DNAH3: variants seen among roughly 807,000 people sequenced by gnomAD.
The protein encoded by DNAH3 is axonemal beta dynein heavy chain 3.
DNAH3 carries 332 observed loss-of-function variants against 432.5 expected under a neutral mutation model. The ratio of observed to expected loss-of-function variants is 0.77; its 90% CI spans 0.70 to 0.84. DNAH3 has a LOEUF of 0.84. Ranked by LOEUF, DNAH3 falls within the 40% of genes least tolerant of loss-of-function variation. DNAH3 has a pLI of 0.00. For missense variants in DNAH3, 4,861 were observed against 5,114.0 expected (o/e 0.95, Z 1.51); for synonymous variants, 1,956 against 1,900.2 (o/e 1.03, Z -0.76).
chr16:20,935,790 C>T (rs2083565627), intron 60 of DNAH3, among the ~76,000 whole-genome samples: 1 of 150,710 alleles, frequency 6.6e-6, no homozygotes, highest in Non-Finnish European at 1.5e-5. Flanking sequence ...TTGCAGTGAG[C>T]CAAGATCATG....
chr16:21,154,268 G>A (rs572300082), intron 1 of DNAH3, among the ~76,000 whole-genome samples: 3 of 152,312 alleles, frequency 2.0e-5, no homozygotes, highest in Admixed American at 6.5e-5. Context: ...AGCCGGGCGT[G>A]GTGGCAGGCA....
At chr16:20,963,730 T>C (rs1567537102) in exon 53 of DNAH3, 1 of 1,614,064 alleles carries the variant, frequency 6.2e-7, no homozygotes, top group East Asian at 2.2e-5. Context: ...AATTTCCTTC[T>C]TCTGTTTCAT....
chr16:21,050,094 A>G (rs370301360), intron 29 of DNAH3, 76 bp from the exon 30 acceptor site: 7 of 1,089,732 alleles, frequency 6.4e-6, no homozygotes, highest in East Asian at 2.4e-5. Flanking sequence ...ATTTATTTTG[A>G]CTCATACAAA....
chr16:21,112,522 C>G (rs2092099835), intron 12 of DNAH3, among the ~76,000 whole-genome samples: 2 of 152,080 alleles, frequency 1.3e-5, no homozygotes, highest in Non-Finnish European at 2.9e-5. Flanking sequence ...AAGTGGAAAC[C>G]CCTGATAAAC....
chr16:21,140,960 G>C (rs2092710697), intron 4 of DNAH3, among the ~76,000 whole-genome samples: 1 of 152,048 alleles, frequency 6.6e-6, no homozygotes, highest in Non-Finnish European at 1.5e-5. Context: ...CCAACATGGT[G>C]AAACCACGTC....
chr16:21,144,299 A>G (rs2092755244), intron 3 of DNAH3, among the ~76,000 whole-genome samples: 1 of 152,054 alleles, frequency 6.6e-6, no homozygotes, highest in Non-Finnish European at 1.5e-5. Context: ...AGTTCCAAAA[A>G]AGCCTATGGG....
chr16:21,059,100 AGTACCCAT>A (rs2090248470), intron 26 of DNAH3, among the ~76,000 whole-genome samples: 1 of 152,250 alleles, frequency 6.6e-6, no homozygotes, highest in South Asian at 2.1e-4. Context: ...GCAAAGCTAC[AGTACCCAT>A]TTACTATACA....
chr16:20,949,373 A>G (rs1190601673), intron 56 of DNAH3, among the ~76,000 whole-genome samples: 1 of 151,916 alleles, frequency 6.6e-6, no homozygotes, highest in African/African-American at 2.4e-5. Context: ...AGAAACAAAA[A>G]AAAAGACATT....
At chr16:21,071,497 C>G (rs2152763257) in intron 21 of DNAH3, among the ~76,000 whole-genome samples, 1 of 152,222 alleles carries the variant, frequency 6.6e-6, no homozygotes, top group Non-Finnish European at 1.5e-5. Flanking sequence ...TCATGCTGAT[C>G]CCTTAGGACC....
intron 41 of DNAH3, among the ~76,000 whole-genome samples, chr16:21,010,736 AT>A (rs2087553814): frequency 6.6e-6 from 1 of 152,054 alleles, no homozygotes; most frequent in African/African-American, 2.4e-5. Flanking sequence ...CTAGAAAGGC[AT>A]TTTAAGCTTT....
intron 56 of DNAH3, among the ~76,000 whole-genome samples, chr16:20,948,950 C>G (rs984408785): frequency 3.9e-5 from 6 of 152,240 alleles, no homozygotes; most frequent in African/African-American, 1.4e-4. Flanking sequence ...ACCCCAGGCT[C>G]AGCCAGCAGA....
rs1455178287 is a variant in DNAH3 at position 21,064,854 on chromosome 16, GAGGT to G, written c.3519-2175_3519-2172del. On this transcript the variant is annotated intron_variant, in intron 24 of 61. Coordinates refer to ENST00000261383, the Ensembl canonical transcript of DNAH3. ...TATTTTATAAAAATGCATAAATATT[GAGGT>G]AGGTGTGTGTGTGTGTGTGTGTGTG... Among the ~76,000 whole-genome samples the G allele has an allele frequency of 2.6e-3, 255 of 99,748 alleles. 2 individuals are homozygous for G. Among genetic ancestry groups the G allele is most frequent in the Non-Finnish European group, 1.7e-3 (84 of 48,504 alleles). 65.4% of individuals were successfully genotyped at this position (99,748 alleles called of 152,430 possible). A position where few individuals can be genotyped will look rare whatever the true frequency, so the allele number is the denominator to read the frequency against.
intron 8 of DNAH3, among the ~76,000 whole-genome samples, chr16:21,126,238 C>T (rs2092443950): frequency 6.6e-6 from 1 of 152,170 alleles, no homozygotes; most frequent in African/African-American, 2.4e-5. Context: ...CCATGTCCCC[C>T]AGTTTCTAAT....
At chr16:21,038,129 T>C in intron 33 of DNAH3, 149 bp from the exon 34 acceptor site, 1 of 659,420 alleles carries the variant, frequency 1.5e-6, no homozygotes, top group Non-Finnish European at 2.6e-6. Context: ...GATATTTTAA[T>C]AGAGTTACCA....
At chr16:21,116,489 C>T (rs781702852) in intron 12 of DNAH3, among the ~76,000 whole-genome samples, 1 of 152,076 alleles carries the variant, frequency 6.6e-6, no homozygotes, top group Admixed American at 6.6e-5. Context: ...CCTTTTGCCA[C>T]GACCGACCGA....
intron 21 of DNAH3, among the ~76,000 whole-genome samples, chr16:21,073,239 TA>T (rs1236029504): frequency 2.6e-5 from 4 of 152,350 alleles, no homozygotes; most frequent in South Asian, 4.1e-4. Context: ...GGGCTATTAA[TA>T]AAGTGGTTTC....
chr16:20,967,851 G>C (rs567615128), intron 52 of DNAH3, among the ~76,000 whole-genome samples: 37 of 152,108 alleles, frequency 2.4e-4, no homozygotes, highest in African/African-American at 7.7e-4. Context: ...CTAGGGTGCA[G>C]CCAGGGTGCA....
At chr16:21,150,673 C>G (rs1274214413) in intron 1 of DNAH3, 78 bp downstream of exon 1, 1 of 186,042 alleles carries the variant, frequency 5.4e-6, no homozygotes, top group African/African-American at 2.4e-5. Context: ...TGGAAATTTT[C>G]CAGAAACACA....
Position 21,023,086 on chromosome 16 carries a change from T to C in DNAH3, c.5647-986A>G, listed in dbSNP as rs1040703023. On this transcript the variant is annotated intron_variant, in intron 39 of 61. Transcript: ENST00000261383. ...TTATTTGTGACTTTCCCTATACACA[T>C]TTTTTTTAAGAAGTAGGAAGGCCAT... is the stretch of plus-strand genomic sequence containing the variant. Among the ~76,000 whole-genome samples, 3 of 152,158 alleles carry C rather than the reference T, an allele frequency of 2.0e-5. No homozygotes were observed. In the South Asian group the frequency reaches 6.2e-4, roughly 32 times the overall value.
Sources: allele counts gnomAD v4.1 joint callset (sites outside exome capture counted in the v4.1 genomes callset), GRCh38; gene constraint gnomAD v4.1.1; transcripts MANE v1.5; gene names NCBI Gene and HGNC (gene_info 2026-07-23, HGNC 2026-07-21).